The following PLA2G4E variants were observed in gnomAD, a reference collection of about 807,000 sequenced individuals.
PLA2G4E encodes phospholipase A2 group IVE.
A neutral mutation model predicts 109.1 loss-of-function variants in PLA2G4E; 84 were observed. The ratio of observed to expected loss-of-function variants is 0.77; its 90% CI spans 0.65 to 0.92. The LOEUF (loss-of-function observed/expected upper bound fraction) is 0.92, where lower values mean the gene tolerates loss of function less well. Ranked by LOEUF, PLA2G4E falls within the 40% of genes least tolerant of loss-of-function variation. The pLI, the probability that PLA2G4E is intolerant of heterozygous loss-of-function variation, is 0.00. For missense variants in PLA2G4E, 1,057 were observed against 1,076.6 expected (o/e 0.98, Z 0.25); for synonymous variants, 469 against 436.1 (o/e 1.08, Z -0.94).
chr15:42,050,614 C>T, exon 1 of PLA2G4E: 2 of 1,550,620 alleles, frequency 1.3e-6, no homozygotes, highest in Non-Finnish European at 1.7e-6. Flanking sequence ...TTCTTCCTGA[C>T]CTGCTGCCTT....
intron 1 of PLA2G4E, among the ~76,000 whole-genome samples, chr15:42,027,757 TTCCCATGTTGGG>T (rs2068704853): frequency 6.8e-6 from 1 of 148,056 alleles, no homozygotes; most frequent in Admixed American, 6.8e-5. Context: ...CCCAGGCTCC[TTCCCATGTTGGG>T]AATTTGGCCT....
chr15:42,027,644 C>T (rs1045366008), intron 1 of PLA2G4E, among the ~76,000 whole-genome samples: 3 of 152,200 alleles, frequency 2.0e-5, no homozygotes, highest in East Asian at 1.9e-4. Flanking sequence ...TCACTTCTGG[C>T]GGCTGACTTC....
exon 11 of PLA2G4E, chr15:41,997,223 C>T: frequency 5.2e-6 from 8 of 1,550,614 alleles, no homozygotes; most frequent in South Asian, 2.4e-5. Flanking sequence ...CTGCTGGGCA[C>T]AGGCTGAAGC....
At chr15:41,987,505 G>A in intron 16 of PLA2G4E, 130 bp from the exon 17 acceptor site, 2 of 777,460 alleles carry the variant, frequency 2.6e-6, no homozygotes, top group Non-Finnish European at 4.2e-6. Context: ...CTTCCTTGCT[G>A]GGCTCTCAAG....
chr15:41,989,523 C>T, exon 15 of PLA2G4E: 1 of 1,613,788 alleles, frequency 6.2e-7, no homozygotes, highest in Non-Finnish European at 8.5e-7. Context: ...TTCTGCAGGC[C>T]CACCTCGTAG....
At chr15:42,041,388 A>G (rs1889314503) in intron 1 of PLA2G4E, among the ~76,000 whole-genome samples, 1 of 152,184 alleles carries the variant, frequency 6.6e-6, no homozygotes, top group Non-Finnish European at 1.5e-5. Context: ...CGATGTATCC[A>G]TGGCATCTAG....
At chr15:42,006,979 C>A (rs1319800500) in intron 3 of PLA2G4E, among the ~76,000 whole-genome samples, 1 of 152,212 alleles carries the variant, frequency 6.6e-6, no homozygotes, top group Non-Finnish European at 1.5e-5. Context: ...CCTTACCAAA[C>A]TCACATGTAT....
At chr15:42,032,485 A>G (rs572371543) in intron 1 of PLA2G4E, among the ~76,000 whole-genome samples, 1 of 152,238 alleles carries the variant, frequency 6.6e-6, no homozygotes, top group Non-Finnish European at 1.5e-5. Context: ...CAAGGACAGC[A>G]CAGCTGAGGA....
At chr15:41,982,434 C>T (rs2068079246) in exon 20 of PLA2G4E, 1 of 152,166 alleles carries the variant, frequency 6.6e-6, no homozygotes, top group Non-Finnish European at 1.5e-5. Context: ...AGTCCTTTTT[C>T]ACTAATTCTT....
intron 13 of PLA2G4E, 149 bp downstream of exon 13, chr15:41,992,588 G>A: frequency 1.1e-5 from 8 of 750,804 alleles, no homozygotes; most frequent in South Asian, 1.9e-5. Context: ...CATAGAGTCC[G>A]ACACCTTATC....
chr15:42,028,403 A>ATTTATTTATTTC lies in PLA2G4E; in HGVS notation c.184-14647_184-14646insGAAATAAATAAA, dbSNP rs1555388340. Among the ~76,000 whole-genome samples, 847 of 145,032 alleles carry ATTTATTTATTTC rather than the reference A, an allele frequency of 5.8e-3. 4 individuals are homozygous for ATTTATTTATTTC. The highest frequency in any genetic ancestry group is 0.013 in the African/African-American group (543 of 40,274). ...TATTTACTTATTTATTTATTTATTTATTTATTTATTTATTATTTTTTGAGA... is the reference window on the plus strand; with the variant it reads ...TATTTACTTATTTATTTATTTATTTATTTATTTATTTCTTTATTTATTTATTATTTTTTGAGA... On this transcript the variant is annotated intron_variant, in intron 1 of 19. Transcript: ENST00000399518.
chr15:42,005,342 G>A (rs571601684), intron 4 of PLA2G4E, among the ~76,000 whole-genome samples: 55 of 152,334 alleles, frequency 3.6e-4, no homozygotes, highest in African/African-American at 1.3e-3. Flanking sequence ...CCTTCAGAAA[G>A]CCCATTCCTT....
chr15:42,024,318 C>G (rs2068674531), intron 1 of PLA2G4E, among the ~76,000 whole-genome samples: 1 of 152,194 alleles, frequency 6.6e-6, no homozygotes, highest in Non-Finnish European at 1.5e-5. Context: ...AAATTCTGAA[C>G]TTGTCTCTGC....
intron 1 of PLA2G4E, among the ~76,000 whole-genome samples, chr15:42,023,748 C>T (rs1242447035): frequency 6.6e-6 from 1 of 152,156 alleles, no homozygotes; most frequent in Non-Finnish European, 1.5e-5. Context: ...CCTATTTGGC[C>T]TCTTCTCACT....
intron 1 of PLA2G4E, among the ~76,000 whole-genome samples, chr15:42,045,597 C>T (rs542620837): frequency 6.6e-6 from 1 of 152,330 alleles, no homozygotes; most frequent in East Asian, 1.9e-4. Flanking sequence ...GAAAAAGTCT[C>T]TTGGCTCCCA....
intron 1 of PLA2G4E, among the ~76,000 whole-genome samples, chr15:42,042,534 T>A (rs1326058726): frequency 1.2e-4 from 18 of 152,198 alleles, no homozygotes; most frequent in Admixed American, 1.1e-3. Context: ...GAAAGAAAGC[T>A]AACATTTATT....
chr15:41,997,301 C>T (rs1020093603), intron 10 of PLA2G4E, 42 bp from the exon 11 acceptor site: 1 of 1,500,624 alleles, frequency 6.7e-7, no homozygotes, highest in African/African-American at 1.4e-5. Context: ...GCAGCCTCTA[C>T]CTCCCTGGAG....
Position 42,019,700 on chromosome 15 carries a change from T to C in PLA2G4E, c.184-5943A>G, listed in dbSNP as rs552682194. Among the ~76,000 whole-genome samples, 277 of 152,310 alleles carry C rather than the reference T, an allele frequency of 1.8e-3. 3 individuals carry two copies. Among genetic ancestry groups the C allele is most frequent in the Non-Finnish European group, 1.6e-3 (111 of 68,018 alleles). On this transcript the variant is annotated intron_variant, in intron 1 of 19. Transcript: ENST00000399518. ...GGGAGGGGACATGATGGGACCCTAA[T>C]ACATGTCCCAGCCACTCTGAGCAAC...
At chr15:42,005,409 C>T (rs1356098929) in intron 4 of PLA2G4E, among the ~76,000 whole-genome samples, 1 of 152,258 alleles carries the variant, frequency 6.6e-6, no homozygotes, top group African/African-American at 2.4e-5. Context: ...CAGGGCCTCA[C>T]TGGGCCTTAC....
Sources: allele counts gnomAD v4.1 joint callset (sites outside exome capture counted in the v4.1 genomes callset), GRCh38; gene constraint gnomAD v4.1.1; transcripts MANE v1.5; gene names NCBI Gene and HGNC (gene_info 2026-07-23, HGNC 2026-07-21).